The following SLC60A1 variants were observed in gnomAD, a reference collection of about 807,000 sequenced individuals.
The protein encoded by SLC60A1 is major facilitator superfamily domain containing 4.
the SLC60A1 span, chr1:205,597,637 C>T: frequency 2.7e-6 from 2 of 737,444 alleles, no homozygotes; most frequent in Admixed American, 2.3e-5. Context: ...CTCAAGAGAT[C>T]CTCCCACTTC....
the SLC60A1 span, chr1:205,592,156 C>T: frequency 1.9e-6 from 3 of 1,613,972 alleles, no homozygotes; most frequent in East Asian, 4.5e-5. Context: ...GTGGTGGTGA[C>T]GTTCCTGGTG....
chr1:205,575,051 C>G, the SLC60A1 span, among the ~76,000 whole-genome samples: 1 of 152,184 alleles, frequency 6.6e-6, no homozygotes, highest in Non-Finnish European at 1.5e-5. Flanking sequence ...TGGCCTTGCC[C>G]TCAGTCTCAG....
At chr1:205,578,512 G>C in the SLC60A1 span, among the ~76,000 whole-genome samples, 1 of 152,160 alleles carries the variant, frequency 6.6e-6, no homozygotes, top group Admixed American at 6.5e-5. Flanking sequence ...CTCCCCAGCA[G>C]ATCAGCCTGG....
At chr1:205,588,903 G>T in the SLC60A1 span, among the ~76,000 whole-genome samples, 1 of 142,028 alleles carries the variant, frequency 7.0e-6, no homozygotes, top group Non-Finnish European at 1.6e-5. Context: ...CACAGATGGA[G>T]GGTGAGGGTG....
the SLC60A1 span, chr1:205,597,572 T>A: frequency 5.3e-4 from 241 of 458,306 alleles, 1 homozygote; most frequent in Middle Eastern, 4.5e-3. Context: ...TAAATTTTAC[T>A]TTTTGTAGAG....
At chr1:205,584,839 C>G in the SLC60A1 span, 3 of 1,591,790 alleles carry the variant, frequency 1.9e-6, no homozygotes, top group Non-Finnish European at 2.6e-6. Flanking sequence ...GGAGCAGAAG[C>G]TGAGACTCAC....
chr1:205,589,335 G>A, the SLC60A1 span, among the ~76,000 whole-genome samples: 1 of 152,284 alleles, frequency 6.6e-6, no homozygotes, highest in East Asian at 1.9e-4. Flanking sequence ...GGGGGAGCAC[G>A]GTAGGCAGGG....
the SLC60A1 span, among the ~76,000 whole-genome samples, chr1:205,594,824 T>C: frequency 6.6e-6 from 1 of 152,132 alleles, no homozygotes; most frequent in Non-Finnish European, 1.5e-5. Context: ...ATCCCTTCTT[T>C]GATGGGTCTT....
chr1:205,595,778 C>T, the SLC60A1 span, among the ~76,000 whole-genome samples: 1 of 152,240 alleles, frequency 6.6e-6, no homozygotes, highest in Non-Finnish European at 1.5e-5. Context: ...CTCACAGGCA[C>T]TCAGTGTCTT....
At chr1:205,591,637 C>T in the SLC60A1 span, among the ~76,000 whole-genome samples, 3 of 152,268 alleles carry the variant, frequency 2.0e-5, no homozygotes, top group African/African-American at 7.2e-5. Context: ...CTAGGATTCC[C>T]AGAGGATGGG....
the SLC60A1 span, among the ~76,000 whole-genome samples, chr1:205,587,351 T>C: frequency 1.3e-5 from 2 of 152,206 alleles, no homozygotes; most frequent in Non-Finnish European, 2.9e-5. Context: ...GAGAGCGGGT[T>C]TGGACATAAG....
the SLC60A1 span, chr1:205,600,794 T>C: frequency 1.7e-5 from 4 of 231,062 alleles, no homozygotes; most frequent in African/African-American, 9.1e-5. Flanking sequence ...TTGAGATCAT[T>C]CTTCATTGAA....
the SLC60A1 span, chr1:205,585,063 GAGAA>G: frequency 2.3e-6 from 3 of 1,304,662 alleles, no homozygotes; most frequent in East Asian, 4.6e-5. This position sits in a 1 kb window ranked among gnomAD's most constrained non-coding sequence, Gnocchi z 4.2. Flanking sequence ...GGAAAGGCAA[GAGAA>G]AGAGAGGAGC....
At chr1:205,597,373 G>GTTTTTTTTTTTTT in the SLC60A1 span, among the ~76,000 whole-genome samples, 2 of 37,226 alleles carry the variant, frequency 5.4e-5, 1 homozygote. Flanking sequence ...AACCTAGGTT[G>GTTTTTTTTTTTTT]TTTTTTTTTT....
chr1:205,600,212 C>G, the SLC60A1 span: 2 of 555,112 alleles, frequency 3.6e-6, no homozygotes, highest in Non-Finnish European at 6.5e-6. Flanking sequence ...TCCCCAAGCC[C>G]TAGACAGCAG....
the SLC60A1 span, among the ~76,000 whole-genome samples, chr1:205,578,038 T>C: frequency 2.0e-5 from 3 of 152,210 alleles, no homozygotes; most frequent in African/African-American, 7.2e-5. Context: ...CCAGGTCCCG[T>C]TCCCCTCAGG....
chr1:205,572,499 C>A, the SLC60A1 span, among the ~76,000 whole-genome samples: 1 of 152,140 alleles, frequency 6.6e-6, no homozygotes, highest in African/African-American at 2.4e-5. Flanking sequence ...TCCTCCTAAT[C>A]TGCAAGTCCT....
the SLC60A1 span, chr1:205,598,439 G>A: frequency 1.3e-5 from 2 of 152,702 alleles, no homozygotes; most frequent in Non-Finnish European, 2.9e-5. Context: ...AAACTCAGAT[G>A]AATTTAGCAA....
the SLC60A1 span, chr1:205,601,067 A>T: frequency 6.6e-6 from 1 of 152,268 alleles, no homozygotes. Flanking sequence ...GCTCATACCA[A>T]CTTAGAAAAG....
Sources: allele counts gnomAD v4.1 joint callset (sites outside exome capture counted in the v4.1 genomes callset), GRCh38; gene constraint gnomAD v4.1.1; non-coding constraint Gnocchi (gnomAD v3.1); transcripts MANE v1.5; gene names NCBI Gene and HGNC (gene_info 2026-07-23, HGNC 2026-07-21).